The following PHF12 variants were observed in gnomAD, a reference collection of about 807,000 sequenced individuals.
PHF12 encodes the protein PHD finger protein 12.
A neutral mutation model predicts 99.8 loss-of-function variants in PHF12; 6 were observed. The observed-to-expected ratio is 0.06, with a 90% CI of 0.03 to 0.12. The LOEUF is 0.12. Among genes scored for constraint, PHF12 ranks in the 10% least tolerant of loss-of-function variants. PHF12 has a pLI of 1.00. For missense variants in PHF12, 954 were observed against 1,300.1 expected (o/e 0.73, Z 4.09); for synonymous variants, 480 against 514.9 (o/e 0.93, Z 0.92).
At position 28,951,043 on chromosome 17, in the gene PHF12, C is replaced by T. The variant is rs1849360577; in HGVS notation, c.-83G>A. 4 of 1,598,906 alleles carry T rather than the reference C, an allele frequency of 2.5e-6. No individual in the cohort carries two copies. Among genetic ancestry groups the T allele is most frequent in the Non-Finnish European group, 3.4e-6 (4 of 1,172,504 alleles). On this transcript the variant is annotated 5_prime_UTR_variant, in exon 1 of 15. Transcript: ENST00000332830. ...GGGGGAGGTGAGGGGAGGGGGCGCT[C>T]CTGACCCCGGCCCCGCTTTTTTCCC...
chr17:28,923,208 G>A (rs1357742247), intron 4 of PHF12, among the ~76,000 whole-genome samples: 2 of 117,124 alleles, frequency 1.7e-5, no homozygotes, highest in East Asian at 4.4e-4. Context: ...AGAAATTTGA[G>A]AAGAATAAAC....
At chr17:28,918,898 G>C (rs1376573362) in intron 6 of PHF12, among the ~76,000 whole-genome samples, 2 of 152,112 alleles carry the variant, frequency 1.3e-5, no homozygotes, top group East Asian at 3.8e-4. Flanking sequence ...TTCCCTATAA[G>C]TCACTTACAA....
intron 2 of PHF12, among the ~76,000 whole-genome samples, chr17:28,939,583 G>C (rs1361040444): frequency 6.6e-6 from 1 of 152,194 alleles, no homozygotes; most frequent in Non-Finnish European, 1.5e-5. Flanking sequence ...GGAGCCTAGG[G>C]GTAGTGGAAA....
chr17:28,910,865 C>G (rs2039947001), intron 10 of PHF12: 1 of 493,492 alleles, frequency 2.0e-6, no homozygotes, highest in African/African-American at 2.0e-5. Context: ...CTCACTGGTT[C>G]AGCTTGGCTC....
In PHF12 at chr17:28,950,019, A is replaced by G; in HGVS notation, c.248+46T>C. On this transcript the variant is annotated intron_variant, in intron 2 of 14. Transcript: ENST00000332830. This position sits in a 1 kb window ranked among gnomAD's most constrained non-coding sequence, Gnocchi z 5.7. ...GGGCAGGCCGGGTGAAGGAATGCGC[A>G]GAGAAGGGTCCGCCAAGAAGCTCCA... 6.6e-7 allele frequency: 1 copy of G among 1,514,840 alleles called. No homozygotes were observed. The highest frequency in any genetic ancestry group is 1.4e-5 in the African/African-American group (1 of 71,150). The allele number at this position is 1,514,840 out of a possible 1,614,324, so 93.8% of individuals were successfully genotyped here.
chr17:28,922,618 A>G (rs1056896463), intron 4 of PHF12, among the ~76,000 whole-genome samples: 2 of 152,214 alleles, frequency 1.3e-5, no homozygotes, highest in Non-Finnish European at 2.9e-5. Flanking sequence ...ACACATCTAT[A>G]CATGTATATA....
chr17:28,917,803 A>G (rs903619059), intron 6 of PHF12, among the ~76,000 whole-genome samples: 7 of 152,160 alleles, frequency 4.6e-5, no homozygotes, highest in African/African-American at 1.7e-4. Flanking sequence ...CACAGGTTTC[A>G]GAGAAGACGT....
Position 28,949,801 on chromosome 17 carries a change from C to T in PHF12, c.248+264G>A, listed in dbSNP as rs528632551. 1.1e-5 allele frequency: 4 copies of T among 366,566 alleles called. No individual in the cohort carries two copies. The East Asian group carries it at 1.8e-4, about 16-fold the overall frequency. 22.7% of individuals were successfully genotyped at this position (366,566 alleles called of 1,614,324 possible). A position where few individuals can be genotyped will look rare whatever the true frequency, so the allele number is the denominator to read the frequency against. On this transcript the variant is annotated intron_variant, in intron 2 of 14. Coordinates refer to ENST00000332830, the MANE Select transcript of PHF12 (RefSeq NM_001033561.2). The surrounding 1 kb of genome is among the most constrained non-coding windows in gnomAD (Gnocchi z 4.6). ...GTCCCCGGCCGGCTCTGTCCCGGCTCCCCAGCGACTTCCAATCCCATATGG... is the reference window on the plus strand; with the variant it reads ...GTCCCCGGCCGGCTCTGTCCCGGCTTCCCAGCGACTTCCAATCCCATATGG...
Position 28,912,352 on chromosome 17 carries a change from G to A in PHF12, c.2089+130C>T, listed in dbSNP as rs937690791. On this transcript the variant is annotated intron_variant, in intron 9 of 14. Transcript: ENST00000332830. The stretch of plus-strand genomic sequence containing the variant: ...GCTTCCTCTTCTATTACGGAAATGA[G>A]AGTAAGACAAACAATACAAAGGCCA... The A allele has an allele frequency of 2.1e-6, 3 of 1,422,586 alleles. No individual in the cohort carries two copies. In the African/African-American group the frequency reaches 4.3e-5, roughly 21 times the overall value. The allele number at this position is 1,422,586 out of a possible 1,614,324, so 88.1% of individuals were successfully genotyped here.
intron 2 of PHF12, among the ~76,000 whole-genome samples, chr17:28,931,370 C>T (rs1250946391): frequency 1.3e-5 from 2 of 151,600 alleles, no homozygotes; most frequent in Non-Finnish European, 2.9e-5. Flanking sequence ...ATTCCCTTGC[C>T]TCAGCCTCCC....
At chr17:28,948,913 TG>T (rs2040761057) in intron 2 of PHF12, among the ~76,000 whole-genome samples, 1 of 152,122 alleles carries the variant, frequency 6.6e-6, no homozygotes, top group Non-Finnish European at 1.5e-5. Context: ...AGACGAAATC[TG>T]GGTTTGCTGC....
chr17:28,911,272 G>A (rs550057228), intron 9 of PHF12, 35 bp from the exon 10 acceptor site: 20 of 1,611,822 alleles, frequency 1.2e-5, no homozygotes, highest in African/African-American at 2.7e-5. Context: ...TACTTACGTC[G>A]CCTGAGGGAA....
chr17:28,926,767 A>G (rs2040281703), intron 3 of PHF12: 1 of 1,508,040 alleles, frequency 6.6e-7, no homozygotes, highest in Non-Finnish European at 8.9e-7. Context: ...AACATGGCTC[A>G]GTAAGTTAAC....
At chr17:28,943,432 C>T (rs549777276) in intron 2 of PHF12, among the ~76,000 whole-genome samples, 8 of 152,212 alleles carry the variant, frequency 5.3e-5, no homozygotes, top group African/African-American at 1.7e-4. Flanking sequence ...GAGTATGAGA[C>T]CAGTCTGACC....
At chr17:28,907,764 T>TGCCAA in intron 12 of PHF12, 92 bp from the exon 13 acceptor site, 1 of 1,263,340 alleles carries the variant, frequency 7.9e-7, no homozygotes, top group Non-Finnish European at 1.1e-6. Context: ...AGAGTTAGCT[T>TGCCAA]CTGGGTTGGC....
rs1261424448 is a variant in PHF12 at position 28,927,040 on chromosome 17, A to C, written c.272T>G (p.Met91Arg). The change falls in exon 3 of 15, where the codon ATG becomes AGG. Residue 91 changes from methionine (M) to arginine (R), a missense_variant. By Grantham distance (91) the Met-to-Arg change is moderately conservative. This residue lies in a region of PHF12 where 10 missense variants were observed against 58.3 expected (regional missense o/e 0.17). Coordinates refer to ENST00000332830, the MANE Select transcript of PHF12 (RefSeq NM_001033561.2). ...ACACATCCACTCTCCAGGAGGCAACATTTCTTCACTCAGTGGAGGGTTACT... is the reference window on the plus strand; with the variant it reads ...ACACATCCACTCTCCAGGAGGCAACCTTTCTTCACTCAGTGGAGGGTTACT... ...QCCNPPLSEE[M>R]LPPGEWMCHR... is the part of the protein sequence containing the mutation. 1 of 1,613,992 alleles carries C rather than the reference A, an allele frequency of 6.2e-7. No individual in the cohort carries two copies. The highest frequency in any genetic ancestry group is 1.3e-5 in the African/African-American group (1 of 74,914).
chr17:28,940,881 G>A (rs192274368), intron 2 of PHF12, among the ~76,000 whole-genome samples: 26 of 152,244 alleles, frequency 1.7e-4, no homozygotes, highest in Admixed American at 8.5e-4. Context: ...ACTGGCAGGG[G>A]TACAGCCGTG....
In PHF12 at chr17:28,917,421, T is replaced by C. The variant is rs2040082479; in HGVS notation, c.998A>G (p.Asn333Ser). 2.5e-6 allele frequency: 4 copies of C among 1,612,870 alleles called. No individual in the cohort carries two copies. Among genetic ancestry groups the C allele is most frequent in the Non-Finnish European group, 3.4e-6 (4 of 1,179,304 alleles). Reference sequence around the variant, plus strand: ...GAAACGATCAAACACCTGGCACCGATTGCTCAGTGTCATATTCTTCTGGTT... The same window carrying C: ...GAAACGATCAAACACCTGGCACCGACTGCTCAGTGTCATATTCTTCTGGTT... ...VLNQKNMTLS[N>S]RCQVFDRFQD... is the part of the protein sequence containing the mutation. The change falls in exon 7 of 15, where the codon AAT becomes AGT. Residue 333 changes from asparagine to serine, a missense_variant. This residue lies in a region of PHF12 where 85 missense variants were observed against 196.6 expected (regional missense o/e 0.43). Coordinates refer to ENST00000332830, the MANE Select transcript of PHF12 (RefSeq NM_001033561.2).
At chr17:28,926,457 A>C (rs1190216981) in intron 3 of PHF12, 2 of 243,020 alleles carry the variant, frequency 8.2e-6, no homozygotes, top group African/African-American at 4.6e-5. Flanking sequence ...AGCTCTTGTT[A>C]CCCACAAGAG....
Sources: allele counts gnomAD v4.1 joint callset (sites outside exome capture counted in the v4.1 genomes callset), GRCh38; gene constraint gnomAD v4.1.1; regional missense constraint gnomAD v4.1.1; non-coding constraint Gnocchi (gnomAD v3.1); transcripts MANE v1.5; gene names NCBI Gene and HGNC (gene_info 2026-07-23, HGNC 2026-07-21).